The following SLC25A17 variants were observed in gnomAD, a reference collection of about 807,000 sequenced individuals.
The protein encoded by SLC25A17 is solute carrier family 25 member 17, also known as peroxisomal membrane protein PMP34.
A neutral mutation model predicts 38.5 loss-of-function variants in SLC25A17; 26 were observed. The ratio of observed to expected loss-of-function variants is 0.68; its 90% CI spans 0.50 to 0.94. The LOEUF is 0.94. Among genes scored for constraint, SLC25A17 ranks in the 40% least tolerant of loss-of-function variants. The pLI, the probability that SLC25A17 is intolerant of heterozygous loss-of-function variation, is 0.00. For missense variants in SLC25A17, 333 were observed against 372.7 expected (o/e 0.89, Z 0.88); for synonymous variants, 139 against 136.2 (o/e 1.02, Z -0.14).
chr22:40,791,498 TAC>T (rs2057385132), intron 4 of SLC25A17, among the ~76,000 whole-genome samples: 1 of 152,186 alleles, frequency 6.6e-6, no homozygotes, highest in African/African-American at 2.4e-5. Flanking sequence ...AAAGGCCACA[TAC>T]ATTTTTTATT....
chr22:40,797,790 A>G (rs559484846), intron 2 of SLC25A17, among the ~76,000 whole-genome samples: 1 of 152,234 alleles, frequency 6.6e-6, no homozygotes, highest in Non-Finnish European at 1.5e-5. Flanking sequence ...AAATCACTAG[A>G]CTGGGGTGGA....
rs138938068 is a variant in SLC25A17, at chr22:40,801,800, C to G, written c.55-2717G>C. On this transcript the variant is annotated intron_variant, in intron 1 of 8. Coordinates refer to ENST00000435456, the MANE Select transcript of SLC25A17 (RefSeq NM_006358.4). ...CATGGTACTGCATTTCTTTTCTTTTCTTTTTTTAAGACGGAGTCTTGCTCT... is the reference window on the plus strand; with the variant it reads ...CATGGTACTGCATTTCTTTTCTTTTGTTTTTTTAAGACGGAGTCTTGCTCT... Among the ~76,000 whole-genome samples, 29 of 152,108 alleles carry G rather than the reference C, an allele frequency of 1.9e-4. 1 individual carries two copies. In the East Asian group the frequency reaches 5.0e-3, roughly 26 times the overall value.
At position 40,770,806 on chromosome 22, in the gene SLC25A17, T is replaced by A; in HGVS notation, c.*28A>T. On this transcript the variant is annotated 3_prime_UTR_variant, in exon 9 of 9. Transcript: ENST00000435456. ...CAGGAGGAAACCTCCCTCTTGAGCATCTTCGGAATTTTTCATGGGAAGGCG... is the reference window on the plus strand; with the variant it reads ...CAGGAGGAAACCTCCCTCTTGAGCAACTTCGGAATTTTTCATGGGAAGGCG... 6.3e-7 allele frequency: 1 copy of A among 1,580,490 alleles called. No homozygotes were observed. Among genetic ancestry groups the A allele is most frequent in the Non-Finnish European group, 8.6e-7 (1 of 1,157,358 alleles).
intron 1 of SLC25A17, among the ~76,000 whole-genome samples, chr22:40,807,541 A>G (rs1475844952): frequency 1.5e-4 from 23 of 152,170 alleles, no homozygotes; most frequent in Admixed American, 1.5e-3. Flanking sequence ...TGAGGTCAGG[A>G]TATCGAGACC....
intron 4 of SLC25A17, among the ~76,000 whole-genome samples, chr22:40,787,171 G>T (rs142152818): frequency 6.6e-6 from 1 of 152,114 alleles, no homozygotes; most frequent in Non-Finnish European, 1.5e-5. Context: ...AGAAGAGGTA[G>T]CTGAGAATAA....
chr22:40,807,395 C>G (rs1210882210), intron 1 of SLC25A17, among the ~76,000 whole-genome samples: 3 of 152,132 alleles, frequency 2.0e-5, no homozygotes, highest in African/African-American at 7.2e-5. Context: ...CATAGGCAGC[C>G]TGACTACAGA....
chr22:40,813,851 T>G, intron 1 of SLC25A17: 1 of 152,606 alleles, frequency 6.6e-6, no homozygotes, highest in Non-Finnish European at 1.5e-5. Context: ...AAACCACTGT[T>G]AATTTTAGGG....
At chr22:40,771,101 G>A in intron 8 of SLC25A17, 120 bp from the exon 9 acceptor site, 1 of 874,560 alleles carries the variant, frequency 1.1e-6, no homozygotes, top group Non-Finnish European at 1.6e-6. Flanking sequence ...ACAGACTTCT[G>A]TTGTCAAAGT....
chr22:40,818,157 G>T (rs756557887), intron 1 of SLC25A17, among the ~76,000 whole-genome samples: 1 of 152,196 alleles, frequency 6.6e-6, no homozygotes, highest in Non-Finnish European at 1.5e-5. Flanking sequence ...CTAAACAGAG[G>T]ATTCAGTGAT....
At chr22:40,783,715 T>C (rs2057313131) in intron 4 of SLC25A17, among the ~76,000 whole-genome samples, 1 of 152,096 alleles carries the variant, frequency 6.6e-6, no homozygotes, top group African/African-American at 2.4e-5. Flanking sequence ...CCTCTTTTTT[T>C]CTTTTTTGGA....
intron 7 of SLC25A17, among the ~76,000 whole-genome samples, chr22:40,776,721 A>G (rs1289479548): frequency 6.6e-6 from 1 of 152,040 alleles, no homozygotes; most frequent in African/African-American, 2.4e-5. Flanking sequence ...ACATGGTGAG[A>G]CCCCATCTTC....
chr22:40,796,035 C>T (rs1429128899), intron 2 of SLC25A17, among the ~76,000 whole-genome samples: 11 of 151,972 alleles, frequency 7.2e-5, no homozygotes, highest in African/African-American at 7.3e-5. Context: ...GTGATCCGCC[C>T]GCCTCGGCCT....
At chr22:40,779,706 G>C (rs951115044) in intron 4 of SLC25A17, 2 of 156,762 alleles carry the variant, frequency 1.3e-5, no homozygotes, top group African/African-American at 4.8e-5. Flanking sequence ...GCAAGCATCA[G>C]GTAAGTGTCA....
At chr22:40,771,891 T>G (rs2145639236) in intron 8 of SLC25A17, among the ~76,000 whole-genome samples, 1 of 152,240 alleles carries the variant, frequency 6.6e-6, no homozygotes, top group South Asian at 2.1e-4. Flanking sequence ...AATAAATGTT[T>G]GAGAGGATAG....
At chr22:40,807,752 A>T (rs189280627) in intron 1 of SLC25A17, among the ~76,000 whole-genome samples, 52 of 152,070 alleles carry the variant, frequency 3.4e-4, no homozygotes, top group Middle Eastern at 6.8e-3. Flanking sequence ...CCATCTCAAA[A>T]AATAATAATA....
At chr22:40,811,156 CCT>C (rs1454661413) in intron 1 of SLC25A17, among the ~76,000 whole-genome samples, 1 of 151,922 alleles carries the variant, frequency 6.6e-6, no homozygotes, top group African/African-American at 2.4e-5. Context: ...GTCTTGAATC[CCT>C]CTCTTTATTC....
At chr22:40,781,347 A>AC (rs773832774) in intron 4 of SLC25A17, among the ~76,000 whole-genome samples, 7 of 151,042 alleles carry the variant, frequency 4.6e-5, no homozygotes, top group Non-Finnish European at 8.8e-5. Context: ...CCCGGCTCAC[A>AC]CCATTCTCCT....
chr22:40,779,401 C>A, intron 4 of SLC25A17: 1 of 736,432 alleles, frequency 1.4e-6, no homozygotes, highest in Non-Finnish European at 2.1e-6. Context: ...ATCTATTTGT[C>A]AATTTATATA....
intron 1 of SLC25A17, among the ~76,000 whole-genome samples, chr22:40,801,130 TATATA>T (rs2057478800): frequency 1.5e-4 from 3 of 19,380 alleles, no homozygotes; most frequent in African/African-American, 6.1e-4. Context: ...ATATATTACA[TATATA>T]TATATATATA....
Sources: allele counts gnomAD v4.1 joint callset (sites outside exome capture counted in the v4.1 genomes callset), GRCh38; gene constraint gnomAD v4.1.1; transcripts MANE v1.5; gene names NCBI Gene and HGNC (gene_info 2026-07-23, HGNC 2026-07-21).